The following ANK2 variants were observed in gnomAD, a reference collection of about 807,000 sequenced individuals.
The protein encoded by ANK2 is ankyrin 2.
A neutral mutation model predicts 360.5 loss-of-function variants in ANK2; 83 were observed. The observed-to-expected ratio is 0.23, with a 90% CI of 0.19 to 0.28. ANK2 has a LOEUF of 0.28. Ranked by LOEUF, ANK2 falls within the 10% of genes least tolerant of loss-of-function variation. ANK2 has a pLI of 1.00. For synonymous variants in ANK2, 1,740 were observed against 1,759.5 expected (o/e 0.99, Z 0.28); for missense variants, 4,201 against 4,795.7 (o/e 0.88, Z 3.66).
intron 5 of ANK2, among the ~76,000 whole-genome samples, chr4:113,234,311 G>A (rs540537279): frequency 2.6e-4 from 40 of 152,266 alleles, no homozygotes; most frequent in African/African-American, 8.7e-4. Flanking sequence ...GATTTCACAA[G>A]GAAATGTGTC....
At chr4:112,960,131 C>G (rs1019609456) in intron 2 of ANK2, among the ~76,000 whole-genome samples, 2 of 152,128 alleles carry the variant, frequency 1.3e-5, no homozygotes, top group Non-Finnish European at 2.9e-5. Context: ...ATGAATGGCA[C>G]CCCCCAGACT....
At chr4:112,804,373 A>G in the ANK2 span, among the ~76,000 whole-genome samples, 2 of 152,172 alleles carry the variant, frequency 1.3e-5, no homozygotes, top group African/African-American at 2.4e-5. Flanking sequence ...CTCTGATGGT[A>G]TAGTTGTTTG....
At chr4:112,786,413 T>C in the ANK2 span, among the ~76,000 whole-genome samples, 3 of 150,346 alleles carry the variant, frequency 2.0e-5, no homozygotes, top group South Asian at 2.1e-4. Flanking sequence ...TTTTTTTTTT[T>C]CTGAGATGGA....
In ANK2 at chr4:112,957,923, C is replaced by T. The variant is rs1466725465; in HGVS notation, c.21+53409C>T. ...GCTCCTCACCTCCCAGACGGGGTCG[C>T]GGCCAGGTAGAGGCGCTCCTCACAT... On this transcript the variant is annotated intron_variant, in intron 2 of 30. Transcript: ENST00000503271. Among the ~76,000 whole-genome samples, 8 of 150,868 alleles carry T rather than the reference C, an allele frequency of 5.3e-5. No homozygotes were observed. In the East Asian group the frequency reaches 1.4e-3, roughly 26 times the overall value.
Position 113,330,310 on chromosome 4 carries a change from C to A in ANK2, c.2965C>A (p.Leu989Ile), listed in dbSNP as rs1393750553. The change falls in exon 27 of 46, where the codon CTC (leucine) becomes ATC (isoleucine). Residue 989 changes from leucine to isoleucine, a missense_variant. Leu to Ile is a conservative substitution (Grantham distance 5, BLOSUM62 2). This residue lies in a region of ANK2 where 1,268 missense variants were observed against 1,650.8 expected (regional missense o/e 0.77). Transcript: ENST00000357077. ...TATGCGAGGATGCAGACACAATGGG[C>A]TCCGAATCATTATTCCACCTCGGAA... ...GAMRGCRHNGLRIIIPPRKCT... is the reference protein window; with the variant it reads ...GAMRGCRHNGIRIIIPPRKCT... 6.2e-7 allele frequency: 1 copy of A among 1,614,198 alleles called. No individual in the cohort carries two copies. The highest frequency in any genetic ancestry group is 8.5e-7 in the Non-Finnish European group (1 of 1,180,036).
the ANK2 span, among the ~76,000 whole-genome samples, chr4:112,796,444 CTA>C: frequency 7.2e-4 from 84 of 116,346 alleles, no homozygotes; most frequent in African/African-American, 2.9e-3. Flanking sequence ...ATCTATATAT[CTA>C]TATATCTATC....
rs763277342 is a variant in ANK2, at chr4:113,355,738, G to T, written c.7120G>T (p.Ala2374Ser). ...QTDSEVQESTATSDETKALPL... is the reference protein window; with the variant it reads ...QTDSEVQESTSTSDETKALPL... ...TGATAGTGAGGTTCAAGAATCCACA[G>T]CCACCTCAGACGAGACAAAGGCCTT... is the stretch of plus-strand genomic sequence containing the variant. The change falls in exon 38 of 46, where the codon GCC (alanine) becomes TCC (serine). Residue 2374 changes from alanine (A) to serine (S), a missense_variant. Transcript: ENST00000357077. The T allele has an allele frequency of 1.7e-5, 27 of 1,614,042 alleles. No homozygotes were observed. The highest frequency in any genetic ancestry group is 2.2e-5 in the Non-Finnish European group (26 of 1,180,008).
At chr4:113,123,943 A>G (rs994722294) in intron 1 of ANK2, among the ~76,000 whole-genome samples, 1 of 152,208 alleles carries the variant, frequency 6.6e-6, no homozygotes. Flanking sequence ...TAATTGGTTT[A>G]TGTAATAACC....
intron 2 of ANK2, among the ~76,000 whole-genome samples, chr4:112,928,248 T>C (rs981393489): frequency 6.6e-6 from 1 of 152,136 alleles, no homozygotes; most frequent in Non-Finnish European, 1.5e-5. Context: ...GTAATTATAC[T>C]TGCCAGAAGT....
chr4:113,357,770 A>G lies in ANK2; in HGVS notation c.9152A>G (p.Asp3051Gly). The G allele has an allele frequency of 6.2e-7, 1 of 1,614,072 alleles. No homozygotes were observed. Among genetic ancestry groups the G allele is most frequent in the Non-Finnish European group, 8.5e-7 (1 of 1,179,962 alleles). Residue 3051 changes from aspartate (D) to glycine (G), a missense_variant, in exon 38 of 46, where the codon GAC becomes GGC. By Grantham distance (94) the Asp-to-Gly change is moderately conservative (BLOSUM62 -1). Around this residue, in one of 4 missense-constraint regions of ANK2, gnomAD observed 2,642 missense variants for 2,714.5 expected, o/e 0.97. Coordinates refer to ENST00000357077, the MANE Select transcript of ANK2 (RefSeq NM_001148.6). Reference sequence around the variant, plus strand: ...GATTCTTGGAGTGAAATTCGGGAAGACGATGAAGCCTTTGAGGCTCGTGTG... The same window carrying G: ...GATTCTTGGAGTGAAATTCGGGAAGGCGATGAAGCCTTTGAGGCTCGTGTG... ...DSDSWSEIRE[D>G]DEAFEARVKE...
intron 1 of ANK2, among the ~76,000 whole-genome samples, chr4:113,092,664 C>T (rs2089021316): frequency 6.6e-6 from 1 of 152,084 alleles, no homozygotes; most frequent in Non-Finnish European, 1.5e-5. Flanking sequence ...CAACTTAATT[C>T]TGTAATCTTC....
chr4:112,870,025 G>T lies in ANK2; in HGVS notation c.-39-34430G>T, dbSNP rs1035033503. ...TGTTTGTTTGTTTTCTTGAGACAGA[G>T]TCTTGCTCTGTCACCCAGGCTGGAG... On this transcript the variant is annotated intron_variant, in intron 1 of 30. Transcript: ENST00000503271. Among the ~76,000 whole-genome samples the T allele has an allele frequency of 2.0e-5, 3 of 151,740 alleles. 1 individual carries two copies. In the South Asian group the frequency reaches 6.3e-4, roughly 32 times the overall value.
intron 1 of ANK2, among the ~76,000 whole-genome samples, chr4:112,882,936 C>G (rs1165585587): frequency 6.6e-6 from 1 of 150,862 alleles, no homozygotes. Flanking sequence ...TGGCCTATAC[C>G]TCCTATCCCC....
chr4:112,754,935 C>CT, the ANK2 span, among the ~76,000 whole-genome samples: 1 of 152,120 alleles, frequency 6.6e-6, no homozygotes, highest in African/African-American at 2.4e-5. Context: ...GATTTTTTTA[C>CT]TTTTTTTACC....
chr4:112,718,024 G>A, the ANK2 span, among the ~76,000 whole-genome samples: 1 of 152,190 alleles, frequency 6.6e-6, no homozygotes, highest in South Asian at 2.1e-4. Flanking sequence ...AAGAGAACCA[G>A]GAACACACAT....
chr4:113,044,464 G>A (rs1354646501), intron 2 of ANK2, among the ~76,000 whole-genome samples: 5 of 152,166 alleles, frequency 3.3e-5, no homozygotes, highest in Non-Finnish European at 5.9e-5. Flanking sequence ...CTATAAGGGA[G>A]GATGGAAAAT....
At chr4:113,309,555 G>T (rs2078861368) in intron 23 of ANK2, among the ~76,000 whole-genome samples, 1 of 152,142 alleles carries the variant, frequency 6.6e-6, no homozygotes. Context: ...GTCTTACTCT[G>T]TTGCCCAGGC....
intron 1 of ANK2, among the ~76,000 whole-genome samples, chr4:112,852,980 C>T (rs974563185): frequency 6.6e-6 from 1 of 152,186 alleles, no homozygotes; most frequent in Non-Finnish European, 1.5e-5. Context: ...GTTTTGGAGA[C>T]AGGGTTTCAC....
At chr4:112,960,808 C>T (rs1475083617) in intron 2 of ANK2, among the ~76,000 whole-genome samples, 1 of 152,032 alleles carries the variant, frequency 6.6e-6, no homozygotes, top group Non-Finnish European at 1.5e-5. Flanking sequence ...CCTCATCTGC[C>T]TTTCCCCTTT....
Sources: gnomAD v4.1 joint callset for allele counts (sites outside exome capture counted in the v4.1 genomes callset) on GRCh38, gnomAD v4.1.1 for gene constraint, gnomAD v4.1.1 regional missense constraint, MANE v1.5 for transcripts, NCBI Gene and HGNC (gene_info 2026-07-23, HGNC 2026-07-21) for gene names.